VWA3B: variants seen among roughly 807,000 people sequenced by gnomAD.
The protein encoded by VWA3B is von Willebrand factor A domain-containing protein 3B.
Under a neutral mutation model 158.3 loss-of-function variants are expected in VWA3B, and 138 were observed. The observed-to-expected ratio is 0.87, with a 90% CI of 0.76 to 1.00. The LOEUF (loss-of-function observed/expected upper bound fraction) is 1.00. Among genes scored for constraint, VWA3B ranks in the 50% least tolerant of loss-of-function variants. The probability of loss-of-function intolerance (pLI) is 0.00; values close to 1 mark genes in which losing one functional copy is unlikely to be tolerated. For synonymous variants in VWA3B, 596 were observed against 587.3 expected (o/e 1.01, Z -0.21); for missense variants, 1,555 against 1,565.1 (o/e 0.99, Z 0.11).
In VWA3B at chr2:98,194,478, A is replaced by G. The variant is rs1428702033; in HGVS notation, c.1723A>G (p.Ile575Val). 3.1e-6 allele frequency: 5 copies of G among 1,613,884 alleles called. No individual in the cohort carries two copies. Among genetic ancestry groups the G allele is most frequent in the Non-Finnish European group, 3.4e-6 (4 of 1,179,912 alleles). The change falls in exon 12 of 28, where the codon ATT (isoleucine) becomes GTT (valine). Residue 575 changes from isoleucine (I) to valine (V), a missense_variant. By Grantham distance (29) the Ile-to-Val change is conservative. Transcript: ENST00000477737. ...TAATTTGGAACAGGCTCAGTCCTGG[A>G]TTAGAGACATAAAGGTAAGTTGGAG... ...EDNLEQAQSWIRDIKIGSSTN... is the reference protein window; with the variant it reads ...EDNLEQAQSWVRDIKIGSSTN...
chr2:98,146,255 A>C (rs777678508), intron 7 of VWA3B, among the ~76,000 whole-genome samples: 3 of 152,162 alleles, frequency 2.0e-5, no homozygotes, highest in South Asian at 2.1e-4. Context: ...TCTTTTCCGC[A>C]TAAGTTTCTT....
At chr2:98,223,276 C>A (rs1684654634) in intron 14 of VWA3B, among the ~76,000 whole-genome samples, 1 of 139,224 alleles carries the variant, frequency 7.2e-6, no homozygotes, top group Admixed American at 7.4e-5. Context: ...CAACAAAATT[C>A]AGTCACTCTA....
At chr2:98,087,426 G>A (rs533566641) in intron 1 of VWA3B, 63 bp downstream of exon 1, 1 of 152,320 alleles carries the variant, frequency 6.6e-6, no homozygotes, top group Non-Finnish European at 1.5e-5. Flanking sequence ...TCCAACAAGC[G>A]GCCTAGGGAG....
At chr2:98,258,117 C>T (rs1303595804) in intron 21 of VWA3B, among the ~76,000 whole-genome samples, 1 of 151,806 alleles carries the variant, frequency 6.6e-6, no homozygotes, top group Non-Finnish European at 1.5e-5. Flanking sequence ...AGAGACTATT[C>T]TTTCCCTTTG....
In VWA3B at chr2:98,109,912, G is replaced by T. The variant is rs180897264; in HGVS notation, c.197-5740G>T. On this transcript the variant is annotated intron_variant, in intron 2 of 27. Transcript: ENST00000477737. ...TTTCCCTATTGATATATGCTTTAAA[G>T]ATTTTTTTATTTGTCTTTTGTTTTC... Among the ~76,000 whole-genome samples the T allele has an allele frequency of 4.0e-4, 60 of 151,118 alleles. 1 individual carries two copies. The South Asian group carries it at 7.1e-3, about 18-fold the overall frequency.
chr2:98,128,986 C>T (rs187423372), intron 6 of VWA3B, among the ~76,000 whole-genome samples: 1 of 152,390 alleles, frequency 6.6e-6, no homozygotes, highest in Admixed American at 6.5e-5. Flanking sequence ...CGCTGTGCCC[C>T]TCTCTCCTCC....
At chr2:98,186,375 C>T (rs746973705) in intron 9 of VWA3B, among the ~76,000 whole-genome samples, 2 of 151,886 alleles carry the variant, frequency 1.3e-5, no homozygotes, top group Non-Finnish European at 2.9e-5. Context: ...GCATGCCGGC[C>T]GGCGCCTTCA....
At chr2:98,288,193 A>G (rs917713104) in intron 22 of VWA3B, among the ~76,000 whole-genome samples, 4 of 152,152 alleles carry the variant, frequency 2.6e-5, no homozygotes, top group Admixed American at 6.6e-5. Context: ...TTTTTATTGT[A>G]TAATGGACAT....
intron 2 of VWA3B, among the ~76,000 whole-genome samples, chr2:98,095,843 T>G (rs897755308): frequency 1.3e-5 from 2 of 152,248 alleles, no homozygotes; most frequent in African/African-American, 4.8e-5. Context: ...TATTGAGTTT[T>G]GTCAAATGCT....
intron 8 of VWA3B, among the ~76,000 whole-genome samples, chr2:98,173,880 T>C (rs1679795626): frequency 6.6e-6 from 1 of 151,786 alleles, no homozygotes; most frequent in Middle Eastern, 3.4e-3. Context: ...GAAAGGAGAA[T>C]TGCTTGAACT....
At chr2:98,203,416 C>T (rs1213481076) in intron 12 of VWA3B, among the ~76,000 whole-genome samples, 1 of 152,118 alleles carries the variant, frequency 6.6e-6, no homozygotes, top group African/African-American at 2.4e-5. Context: ...TATTCTTGGG[C>T]CTTTATTTTC....
intron 23 of VWA3B, among the ~76,000 whole-genome samples, chr2:98,295,936 C>T (rs780594516): frequency 1.3e-5 from 2 of 152,128 alleles, no homozygotes; most frequent in East Asian, 1.9e-4. Context: ...GAAGCCAGAC[C>T]GTAAGAAACT....
At chr2:98,283,933 A>G (rs904957598) in intron 22 of VWA3B, among the ~76,000 whole-genome samples, 2 of 152,236 alleles carry the variant, frequency 1.3e-5, no homozygotes, top group Non-Finnish European at 2.9e-5. Context: ...TTCAAGCCAC[A>G]GTAGGCCATT....
chr2:98,096,805 C>T (rs1159351356), intron 2 of VWA3B, among the ~76,000 whole-genome samples: 3 of 151,942 alleles, frequency 2.0e-5, no homozygotes, highest in Non-Finnish European at 4.4e-5. Context: ...AGTCTTCTCT[C>T]TTTTTTTCTT....
intron 22 of VWA3B, among the ~76,000 whole-genome samples, chr2:98,272,954 G>A (rs1688297286): frequency 6.6e-6 from 1 of 152,112 alleles, no homozygotes; most frequent in Admixed American, 6.5e-5. Context: ...GCAGCAAGAT[G>A]GCCCTCACCA....
At chr2:98,159,689 G>A (rs796073833) in intron 7 of VWA3B, among the ~76,000 whole-genome samples, 37 of 152,178 alleles carry the variant, frequency 2.4e-4, no homozygotes, top group African/African-American at 7.9e-4. Context: ...TTGTCAGGCA[G>A]ACCTTAGTTG....
intron 11 of VWA3B, among the ~76,000 whole-genome samples, chr2:98,194,001 T>C (rs1681819024): frequency 6.6e-6 from 1 of 152,244 alleles, no homozygotes. Context: ...GATGTTGTTT[T>C]AGATTTCTTT....
Position 98,124,160 on chromosome 2 carries a change from C to T in VWA3B, c.702+2702C>T, listed in dbSNP as rs1675181267. On this transcript the variant is annotated intron_variant, in intron 5 of 27. Coordinates refer to ENST00000477737, the MANE Select transcript of VWA3B (RefSeq NM_144992.5). ...ATTTATTTCCTTTTAGTGGTTCAGG[C>T]AGGCATCAGATCTTTTCTTTTTTGT... Among the ~76,000 whole-genome samples the T allele has an allele frequency of 2.0e-5, 3 of 152,328 alleles. No individual in the cohort carries two copies. The South Asian group carries it at 6.2e-4, about 32-fold the overall frequency.
intron 7 of VWA3B, among the ~76,000 whole-genome samples, chr2:98,161,021 G>T (rs1016964017): frequency 6.6e-6 from 1 of 152,184 alleles, no homozygotes; most frequent in Non-Finnish European, 1.5e-5. Flanking sequence ...AGTCTGCCTT[G>T]TTGGCTTAGG....
Sources: gnomAD v4.1 joint callset for allele counts (sites outside exome capture counted in the v4.1 genomes callset) on GRCh38, gnomAD v4.1.1 for gene constraint, MANE v1.5 for transcripts, NCBI Gene and HGNC (gene_info 2026-07-23, HGNC 2026-07-21) for gene names.